The following PIP4K2A variants were observed in gnomAD, a reference collection of about 807,000 sequenced individuals.
The protein encoded by PIP4K2A is phosphatidylinositol-5-phosphate 4-kinase type 2 alpha.
PIP4K2A carries 14 observed loss-of-function variants against 42.9 expected under a neutral mutation model. The ratio of observed to expected loss-of-function variants is 0.33; its 90% confidence interval spans 0.22 to 0.51. PIP4K2A has a LOEUF of 0.51. Ranked by LOEUF, PIP4K2A falls within the 20% of genes least tolerant of loss-of-function variation. PIP4K2A has a pLI of 0.97. For missense variants in PIP4K2A, 434 were observed against 519.8 expected, an observed-to-expected ratio of 0.83 and a Z score of 1.61; for synonymous variants, 192 against 192.2, an observed-to-expected ratio of 1.00 and a Z score of 0.01.
intron 1 of PIP4K2A, among the ~76,000 whole-genome samples, chr10:22,698,619 T>C (rs933844735): frequency 9.2e-5 from 14 of 152,342 alleles, no homozygotes; most frequent in African/African-American, 3.4e-4. Context: ...TTTTTGCCAC[T>C]GAAAGTAATG....
intron 1 of PIP4K2A, among the ~76,000 whole-genome samples, chr10:22,690,940 G>C (rs1211957892): frequency 6.6e-6 from 1 of 152,218 alleles, no homozygotes; most frequent in African/African-American, 2.4e-5. Context: ...GTGGGCACCT[G>C]AGCAAACATT....
chr10:22,542,846 C>T (rs1405164287), intron 7 of PIP4K2A, among the ~76,000 whole-genome samples: 2 of 152,230 alleles, frequency 1.3e-5, no homozygotes, highest in Non-Finnish European at 2.9e-5. Flanking sequence ...CAAACAGTGG[C>T]AGCCCATCTG....
intron 4 of PIP4K2A, among the ~76,000 whole-genome samples, chr10:22,585,987 G>C (rs996649003): frequency 6.6e-5 from 10 of 152,088 alleles, no homozygotes; most frequent in African/African-American, 2.4e-4. Context: ...AAATTCAGTC[G>C]ATTTAAGATA....
At chr10:22,664,174 T>TATACAC (rs1839294823) in intron 1 of PIP4K2A, among the ~76,000 whole-genome samples, 1 of 78,252 alleles carries the variant, frequency 1.3e-5, no homozygotes, top group Non-Finnish European at 2.1e-5. Context: ...TATACATATA[T>TATACAC]ATATATACAT....
intron 1 of PIP4K2A, among the ~76,000 whole-genome samples, chr10:22,665,104 C>T (rs1335529405): frequency 6.6e-6 from 1 of 152,142 alleles, no homozygotes. Context: ...CAAACACACA[C>T]ACATACATTT....
chr10:22,618,874 G>A (rs1838247944), intron 1 of PIP4K2A, among the ~76,000 whole-genome samples: 1 of 152,260 alleles, frequency 6.6e-6, no homozygotes, highest in South Asian at 2.1e-4. Flanking sequence ...GGGAAACTAC[G>A]ACTATTTATA....
At chr10:22,713,668 C>T (rs1033395607) in intron 1 of PIP4K2A, among the ~76,000 whole-genome samples, 1 of 152,214 alleles carries the variant, frequency 6.6e-6, no homozygotes, top group African/African-American at 2.4e-5. Flanking sequence ...TGCTCGCGCT[C>T]CGGTATCCTC....
At chr10:22,604,590 G>A (rs1465448863) in intron 3 of PIP4K2A, among the ~76,000 whole-genome samples, 1 of 152,142 alleles carries the variant, frequency 6.6e-6, no homozygotes, top group Non-Finnish European at 1.5e-5. Flanking sequence ...TGAGAGCCTA[G>A]GTCACTGATC....
intron 1 of PIP4K2A, among the ~76,000 whole-genome samples, chr10:22,648,936 A>G (rs1838939438): frequency 6.6e-6 from 1 of 152,216 alleles, no homozygotes. Flanking sequence ...CAGAAAGCAC[A>G]TTCTAGGACA....
chr10:22,693,691 G>C (rs1839917016), intron 1 of PIP4K2A, among the ~76,000 whole-genome samples: 1 of 152,148 alleles, frequency 6.6e-6, no homozygotes, highest in Admixed American at 6.5e-5. Flanking sequence ...ACCCACAGAT[G>C]ACCTTAACAC....
At chr10:22,596,675 CG>C (rs1313531779) in intron 3 of PIP4K2A, among the ~76,000 whole-genome samples, 2 of 152,210 alleles carry the variant, frequency 1.3e-5, no homozygotes, top group African/African-American at 2.4e-5. Context: ...CAGGTGCCCC[CG>C]AGGGGTCCCT....
At chr10:22,585,239 T>C (rs1588643835) in intron 4 of PIP4K2A, among the ~76,000 whole-genome samples, 1 of 152,220 alleles carries the variant, frequency 6.6e-6, no homozygotes, top group East Asian at 1.9e-4. Flanking sequence ...GCAGATGTAC[T>C]ATGAGGAGAT....
At chr10:22,597,270 T>C (rs1399497826) in intron 3 of PIP4K2A, among the ~76,000 whole-genome samples, 1 of 152,188 alleles carries the variant, frequency 6.6e-6, no homozygotes, top group Non-Finnish European at 1.5e-5. Context: ...TGCTGAGCCC[T>C]GGGCCCAGAG....
chr10:22,695,213 A>T (rs1312803492), intron 1 of PIP4K2A, among the ~76,000 whole-genome samples: 3 of 152,228 alleles, frequency 2.0e-5, no homozygotes, highest in Admixed American at 1.3e-4. Flanking sequence ...TTAACAAAAC[A>T]AGTTTTAGTT....
chr10:22,657,872 G>A (rs965262018), intron 1 of PIP4K2A, among the ~76,000 whole-genome samples: 3 of 152,018 alleles, frequency 2.0e-5, no homozygotes, highest in Non-Finnish European at 4.4e-5. Context: ...GGGTGCAATC[G>A]CTAAATTTCA....
chr10:22,608,689 T>C (rs1046214974), intron 2 of PIP4K2A, among the ~76,000 whole-genome samples: 1 of 152,028 alleles, frequency 6.6e-6, no homozygotes, highest in Non-Finnish European at 1.5e-5. Context: ...CTGGGGAACA[T>C]AGTGAGACCC....
At chr10:22,685,932 T>C (rs1317291826) in intron 1 of PIP4K2A, among the ~76,000 whole-genome samples, 2 of 152,188 alleles carry the variant, frequency 1.3e-5, no homozygotes, top group Admixed American at 6.5e-5. Flanking sequence ...ACAATTACAG[T>C]TCTCTAATTT....
At chr10:22,600,129 T>A (rs1837723161) in intron 3 of PIP4K2A, among the ~76,000 whole-genome samples, 1 of 152,232 alleles carries the variant, frequency 6.6e-6, no homozygotes, top group Non-Finnish European at 1.5e-5. Context: ...TTTCCCTGCA[T>A]TTTTTAAACA....
At chr10:22,641,588 C>A (rs932427641) in intron 1 of PIP4K2A, among the ~76,000 whole-genome samples, 1 of 151,374 alleles carries the variant, frequency 6.6e-6, no homozygotes, top group African/African-American at 2.4e-5. Context: ...ACTACAGGTA[C>A]GTGCAACCAC....
Sources: gnomAD v4.1 joint callset for allele counts (sites outside exome capture counted in the v4.1 genomes callset) on GRCh38, gnomAD v4.1.1 for gene constraint, MANE v1.5 for transcripts, NCBI Gene and HGNC (gene_info 2026-07-23, HGNC 2026-07-21) for gene names.